Variants in PRPSAP1 observed in about 807,000 individuals in gnomAD.
PRPSAP1 encodes the protein phosphoribosyl pyrophosphate synthetase associated protein 1.
PRPSAP1 carries 31 observed loss-of-function variants against 39.4 expected under a neutral mutation model. The ratio of observed to expected loss-of-function variants is 0.79; its 90% CI spans 0.59 to 1.06. The LOEUF (loss-of-function observed/expected upper bound fraction) is 1.06, where lower values mean the gene tolerates loss of function less well. Ranked by LOEUF, PRPSAP1 falls within the 50% of genes least tolerant of loss-of-function variation. The pLI, the probability that PRPSAP1 is intolerant of heterozygous loss-of-function variation, is 0.00. For missense variants in PRPSAP1, 430 were observed against 511.6 expected, an observed-to-expected ratio of 0.84 and a Z score of 1.54; for synonymous variants, 212 against 192.6, an observed-to-expected ratio of 1.10 and a Z score of -0.83.
intron 3 of PRPSAP1, among the ~76,000 whole-genome samples, chr17:76,336,817 C>T (rs1163875879): frequency 6.6e-6 from 1 of 151,882 alleles, no homozygotes; most frequent in African/African-American, 2.4e-5. Context: ...CATCCTCCAG[C>T]CCAACGCTAA....
At chr17:76,318,444 T>C (rs181811905) in intron 7 of PRPSAP1, among the ~76,000 whole-genome samples, 5 of 152,196 alleles carry the variant, frequency 3.3e-5, no homozygotes, top group Admixed American at 2.6e-4. Flanking sequence ...CAAGACTCTA[T>C]CTGAAAAAAC....
chr17:76,316,727 C>G (rs965155942), intron 7 of PRPSAP1, among the ~76,000 whole-genome samples: 3 of 152,184 alleles, frequency 2.0e-5, no homozygotes, highest in African/African-American at 7.2e-5. Context: ...ACTGTGAAAA[C>G]TACATCAGCT....
chr17:76,330,742 C>A, intron 4 of PRPSAP1, 76 bp from the exon 5 acceptor site: 1 of 836,546 alleles, frequency 1.2e-6, no homozygotes, highest in South Asian at 1.7e-5. Context: ...ACTAGATGCT[C>A]AACTCCTGCT....
intron 3 of PRPSAP1, among the ~76,000 whole-genome samples, chr17:76,343,155 A>G (rs895540877): frequency 2.6e-5 from 4 of 152,198 alleles, no homozygotes; most frequent in Non-Finnish European, 5.9e-5. Flanking sequence ...CTTATTACTA[A>G]TATGGTCTGG....
chr17:76,345,031 C>G (rs537295771), intron 2 of PRPSAP1, among the ~76,000 whole-genome samples: 177 of 151,808 alleles, frequency 1.2e-3, no homozygotes, highest in African/African-American at 4.2e-3. Flanking sequence ...GTCAGGAGAT[C>G]GAGACCATCC....
At chr17:76,342,722 TAA>T (rs1216047984) in intron 3 of PRPSAP1, among the ~76,000 whole-genome samples, 22 of 120,350 alleles carry the variant, frequency 1.8e-4, no homozygotes, top group Admixed American at 6.0e-4. Context: ...TGTCTCAAAT[TAA>T]AAAAAAAAAA....
intron 9 of PRPSAP1, among the ~76,000 whole-genome samples, chr17:76,312,433 ATC>A (rs2071078998): frequency 7.7e-6 from 1 of 129,942 alleles, no homozygotes; most frequent in African/African-American, 3.8e-5. Context: ...GCAAGATTCC[ATC>A]TCAAAAAAAA....
chr17:76,329,196 G>C (rs190222133), intron 6 of PRPSAP1, among the ~76,000 whole-genome samples: 1 of 151,582 alleles, frequency 6.6e-6, no homozygotes, highest in Admixed American at 6.6e-5. Flanking sequence ...TCAACCTCCC[G>C]AGTAGCGGGG....
chr17:76,314,144 C>T (rs1301263092), intron 7 of PRPSAP1: 4 of 501,152 alleles, frequency 8.0e-6, no homozygotes, highest in Non-Finnish European at 1.4e-5. Context: ...GAAATTAATA[C>T]ATTTTATTTT....
intron 7 of PRPSAP1, among the ~76,000 whole-genome samples, chr17:76,315,148 A>G (rs2143451924): frequency 6.6e-6 from 1 of 152,310 alleles, no homozygotes; most frequent in African/African-American, 2.4e-5. Context: ...TGACTGCAAA[A>G]TCTGCATCTG....
At chr17:76,347,039 G>T (rs879347115) in intron 2 of PRPSAP1, among the ~76,000 whole-genome samples, 1 of 152,030 alleles carries the variant, frequency 6.6e-6, no homozygotes, top group Non-Finnish European at 1.5e-5. Flanking sequence ...TGCCAGAGAC[G>T]CTAGCCATGA....
chr17:76,351,273 T>C (rs2071566746), intron 1 of PRPSAP1, among the ~76,000 whole-genome samples: 1 of 150,578 alleles, frequency 6.6e-6, no homozygotes, highest in African/African-American at 2.4e-5. Flanking sequence ...TCCCAGCACT[T>C]TGGGAGGCCG....
At chr17:76,321,683 A>C (rs2071200284) in intron 7 of PRPSAP1, among the ~76,000 whole-genome samples, 1 of 152,180 alleles carries the variant, frequency 6.6e-6, no homozygotes, top group Non-Finnish European at 1.5e-5. Context: ...TAAGTGTTTA[A>C]GTGAAAGGAA....
At chr17:76,313,344 T>C (rs2279057) in intron 8 of PRPSAP1, 109,516 of 249,442 alleles carry the variant, frequency 0.44, 28,916 homozygotes, top group African/African-American at 0.79. Context: ...TCAAATAGAC[T>C]GTGACATGAG....
intron 9 of PRPSAP1, among the ~76,000 whole-genome samples, chr17:76,312,258 T>C (rs542831424): frequency 3.9e-5 from 6 of 152,140 alleles, no homozygotes; most frequent in Admixed American, 1.3e-4. Flanking sequence ...CTGGCCAACA[T>C]GGTGAAACCC....
At chr17:76,329,013 A>G (rs927756457) in intron 6 of PRPSAP1, 151 bp from the exon 7 acceptor site, 1 of 917,682 alleles carries the variant, frequency 1.1e-6, no homozygotes, top group African/African-American at 1.7e-5. Context: ...GGCCCAGGCC[A>G]GCATGTAAAT....
Position 76,353,892 on chromosome 17 carries a change from G to GCGCCGC in PRPSAP1, c.-195_-190dup. Reference sequence around the variant, plus strand: ...AGCGGCCGAGCCTTCGCAGCGCCCGGCGCCGCCGCCTCAGAGCCAGAGGCA... The same window carrying GCGCCGC: ...AGCGGCCGAGCCTTCGCAGCGCCCGGCGCCGCCGCCGCCGCCTCAGAGCCAGAGGCA... On this transcript the variant is annotated 5_prime_UTR_variant, in exon 1 of 10. Transcript: ENST00000446526. 1 of 1,329,796 alleles carries GCGCCGC rather than the reference G, an allele frequency of 7.5e-7. No homozygotes were observed. The highest frequency in any genetic ancestry group is 9.6e-7 in the Non-Finnish European group (1 of 1,045,530). The allele number at this position is 1,329,796 out of a possible 1,614,324, so 82.4% of individuals were successfully genotyped here.
intron 3 of PRPSAP1, among the ~76,000 whole-genome samples, chr17:76,340,615 G>A (rs958369889): frequency 1.5e-4 from 23 of 151,934 alleles, no homozygotes; most frequent in Middle Eastern, 3.4e-3. Context: ...GAACGGCCTC[G>A]CACGGTGGCT....
rs1268252630 is a variant in PRPSAP1 at position 76,353,656 on chromosome 17, A to AGCCGAGGACGCGGAGG, written c.32_47dup (p.Phe17LeufsTer51). 10 of 1,530,106 alleles carry AGCCGAGGACGCGGAGG rather than the reference A, an allele frequency of 6.5e-6. No individual in the cohort carries two copies. In the East Asian group the frequency reaches 2.6e-4, roughly 40 times the overall value. The allele number at this position is 1,530,106 out of a possible 1,614,324, so 94.8% of individuals were successfully genotyped here. On this transcript the variant is annotated frameshift_variant, in exon 1 of 10. Coordinates refer to ENST00000446526, the MANE Select transcript of PRPSAP1 (RefSeq NM_002766.3). LOFTEE classifies it high-confidence loss of function. ...CGGGGCGGGCGCGCGGGACGCGGAA[A>AGCCGAGGACGCGGAGG]GCCGAGGACGCGGAGGGCGGGGGCA...
Sources: allele counts gnomAD v4.1 joint callset (sites outside exome capture counted in the v4.1 genomes callset), GRCh38; gene constraint gnomAD v4.1.1; transcripts MANE v1.5; gene names NCBI Gene and HGNC (gene_info 2026-07-23, HGNC 2026-07-21).